CNTN1: variants seen among roughly 807,000 people sequenced by gnomAD.
The protein encoded by CNTN1 is contactin-1.
A neutral mutation model predicts 126.4 loss-of-function variants in CNTN1; 38 were observed. The ratio of observed to expected loss-of-function variants is 0.30; its 90% CI spans 0.23 to 0.39. CNTN1 has a LOEUF of 0.39. Ranked by LOEUF, CNTN1 falls within the 10% of genes least tolerant of loss-of-function variation. CNTN1 has a pLI of 1.00. For missense variants in CNTN1, 1,009 were observed against 1,248.4 expected, an observed-to-expected ratio of 0.81 and a Z score of 2.89; for synonymous variants, 413 against 422.6, an observed-to-expected ratio of 0.98 and a Z score of 0.28.
At chr12:40,996,588 A>C (rs1257663281) in intron 17 of CNTN1, among the ~76,000 whole-genome samples, 2 of 152,250 alleles carry the variant, frequency 1.3e-5, no homozygotes, top group Non-Finnish European at 2.9e-5. Flanking sequence ...TTAAAAATTT[A>C]ATATGCTTAC....
chr12:41,009,446 A>G (rs978777892), intron 17 of CNTN1, among the ~76,000 whole-genome samples: 1 of 152,184 alleles, frequency 6.6e-6, no homozygotes, highest in African/African-American at 2.4e-5. Flanking sequence ...TTAACCATCA[A>G]ATTAAGTTCC....
Position 40,742,953 on chromosome 12 carries a change from C to T in CNTN1, c.-77+50361C>T, listed in dbSNP as rs187425018. 3.2e-4 allele frequency among the ~76,000 whole-genome samples: 48 copies of T among 152,066 alleles called. 1 individual carries two copies. Among genetic ancestry groups the T allele is most frequent in the Admixed American group, 3.0e-3 (46 of 15,246 alleles). ...TTATTAAGTAAGCAAGATGGAATAG[C>T]CAGTAATTAAATTCTGTTACCTTAC... On this transcript the variant is annotated intron_variant, in intron 1 of 23. Transcript: ENST00000551295.
At chr12:41,023,259 T>G (rs536213649) in intron 20 of CNTN1, among the ~76,000 whole-genome samples, 1 of 152,204 alleles carries the variant, frequency 6.6e-6, no homozygotes, top group Non-Finnish European at 1.5e-5. Flanking sequence ...CCTGCCTGAT[T>G]GACACCATCT....
Position 41,009,604 on chromosome 12 carries a change from G to A in CNTN1, c.2114-4624G>A, listed in dbSNP as rs77995671. ...ATGGCCTCAGTGAGATGGAAGTCCT[G>A]AAGTAGTCTTCATTCCCCATTGAGT... On this transcript the variant is annotated intron_variant, in intron 17 of 23. Coordinates refer to ENST00000551295, the MANE Select transcript of CNTN1 (RefSeq NM_001843.4). Among the ~76,000 whole-genome samples the A allele has an allele frequency of 1.1e-3, 163 of 152,308 alleles. 2 individuals carry two copies. In the East Asian group the frequency reaches 0.02, roughly 19 times the overall value.
chr12:41,044,231 T>C (rs551232093), intron 23 of CNTN1, among the ~76,000 whole-genome samples: 4 of 152,000 alleles, frequency 2.6e-5, no homozygotes, highest in Non-Finnish European at 4.4e-5. Flanking sequence ...GGATGTTAGC[T>C]TCAAAATGCA....
intron 3 of CNTN1, among the ~76,000 whole-genome samples, chr12:40,914,158 T>C (rs1945147578): frequency 6.6e-6 from 1 of 152,220 alleles, no homozygotes; most frequent in South Asian, 2.1e-4. Flanking sequence ...TCAAAATTTG[T>C]CATCTAAGTG....
chr12:40,715,894 C>T (rs946334875), intron 1 of CNTN1, among the ~76,000 whole-genome samples: 1 of 152,080 alleles, frequency 6.6e-6, no homozygotes, highest in African/African-American at 2.4e-5. Flanking sequence ...TGCCTGGACA[C>T]CACCATTCAG....
At chr12:40,858,327 C>A (rs1433770073) in intron 1 of CNTN1, among the ~76,000 whole-genome samples, 1 of 152,150 alleles carries the variant, frequency 6.6e-6, no homozygotes, top group Non-Finnish European at 1.5e-5. Context: ...AGAATAATTT[C>A]TCTTTCAATT....
rs546883624 is a variant in CNTN1 at position 40,838,054 on chromosome 12, C to A, written c.-76-70303C>A. Among the ~76,000 whole-genome samples the A allele has an allele frequency of 7.4e-3, 1,125 of 152,352 alleles. 18 individuals are homozygous for A. The highest frequency in any genetic ancestry group is 0.022 in the African/African-American group (933 of 41,582). On this transcript the variant is annotated intron_variant, in intron 1 of 23. Coordinates refer to ENST00000551295, the MANE Select transcript of CNTN1 (RefSeq NM_001843.4). ...CCTGAGGATTACCCTACCCCACCCACAATGGTTGGTGCTTGCTTTCCCCAC... is the reference window on the plus strand; with the variant it reads ...CCTGAGGATTACCCTACCCCACCCAAAATGGTTGGTGCTTGCTTTCCCCAC...
chr12:40,837,622 T>C (rs766128703), intron 1 of CNTN1, among the ~76,000 whole-genome samples: 3 of 152,178 alleles, frequency 2.0e-5, no homozygotes, highest in Non-Finnish European at 4.4e-5. Flanking sequence ...TTGACAGGCT[T>C]TCTGTTGTCC....
At chr12:40,997,941 T>C (rs1365070648) in intron 17 of CNTN1, among the ~76,000 whole-genome samples, 1 of 152,206 alleles carries the variant, frequency 6.6e-6, no homozygotes, top group Non-Finnish European at 1.5e-5. Flanking sequence ...TTATTCATAT[T>C]GTTATCTTTA....
At chr12:40,695,539 T>G (rs557072675) in intron 1 of CNTN1, among the ~76,000 whole-genome samples, 129 of 152,284 alleles carry the variant, frequency 8.5e-4, no homozygotes, top group African/African-American at 2.9e-3. Flanking sequence ...ATCAACAAAT[T>G]CTCCAATTTC....
chr12:40,734,705 T>C (rs2121278001), intron 1 of CNTN1, among the ~76,000 whole-genome samples: 1 of 152,248 alleles, frequency 6.6e-6, no homozygotes, highest in South Asian at 2.1e-4. Flanking sequence ...CATATTCTAT[T>C]ATCATTACAA....
intron 1 of CNTN1, among the ~76,000 whole-genome samples, chr12:40,843,658 C>T (rs1942376357): frequency 6.6e-6 from 1 of 152,160 alleles, no homozygotes; most frequent in Non-Finnish European, 1.5e-5. Context: ...AAATGCATCC[C>T]ATATTGTGAC....
intron 1 of CNTN1, among the ~76,000 whole-genome samples, chr12:40,713,840 C>T (rs1265205820): frequency 6.6e-6 from 1 of 152,032 alleles, no homozygotes; most frequent in Admixed American, 6.6e-5. Context: ...AGTCATATGT[C>T]TTTTCCACAT....
At position 40,749,639 on chromosome 12, in the gene CNTN1, T is replaced by A. The variant is rs1045627399; in HGVS notation, c.-77+57047T>A. On this transcript the variant is annotated intron_variant, in intron 1 of 23. Coordinates refer to ENST00000551295, the MANE Select transcript of CNTN1 (RefSeq NM_001843.4). ...TTTTTGTGTTTTGTTTTTTTATTTT[T>A]TTTTTCATTTAATCCTTGAAACCAC... Among the ~76,000 whole-genome samples, 35 of 143,200 alleles carry A rather than the reference T, an allele frequency of 2.4e-4. 9 individuals are homozygous for A. Among genetic ancestry groups the A allele is most frequent in the Non-Finnish European group, 5.2e-4 (33 of 64,004 alleles). The allele number at this position is 143,200 out of a possible 152,430, so 93.9% of individuals were successfully genotyped here.
intron 23 of CNTN1, among the ~76,000 whole-genome samples, chr12:41,033,196 T>G (rs1438037282): frequency 6.6e-6 from 1 of 152,218 alleles, no homozygotes; most frequent in Non-Finnish European, 1.5e-5. Context: ...AACTTATTCC[T>G]TATTGAATAT....
chr12:40,759,383 G>A (rs535047658), intron 1 of CNTN1, among the ~76,000 whole-genome samples: 4 of 152,038 alleles, frequency 2.6e-5, no homozygotes, highest in East Asian at 1.9e-4. Context: ...TCTCTGTTAG[G>A]TATTTTGTCT....
intron 1 of CNTN1, among the ~76,000 whole-genome samples, chr12:40,745,428 G>A (rs1938141759): frequency 6.6e-6 from 1 of 152,116 alleles, no homozygotes; most frequent in Non-Finnish European, 1.5e-5. Flanking sequence ...ATAACTGGAA[G>A]GGGGCCAGGT....
Sources: allele counts gnomAD v4.1 joint callset (sites outside exome capture counted in the v4.1 genomes callset), GRCh38; gene constraint gnomAD v4.1.1; transcripts MANE v1.5; gene names NCBI Gene and HGNC (gene_info 2026-07-23, HGNC 2026-07-21).